The following RNF138 variants were observed in gnomAD, a reference collection of about 807,000 sequenced individuals.
RNF138 encodes the protein ring finger protein 138.
Under a neutral mutation model 31.0 loss-of-function variants are expected in RNF138, and 12 were observed. That is an observed-to-expected ratio of 0.39 (90% CI 0.25 to 0.63). The LOEUF (loss-of-function observed/expected upper bound fraction) is 0.63, where lower values mean the gene tolerates loss of function less well. Among genes scored for constraint, RNF138 ranks in the 20% least tolerant of loss-of-function variants. The pLI, the probability that RNF138 is intolerant of heterozygous loss-of-function variation, is 0.52. For missense variants in RNF138, 192 were observed against 300.1 expected (o/e 0.64, Z 2.66); for synonymous variants, 105 against 99.5 (o/e 1.06, Z -0.33).
chr18:32,098,096 A>C (rs1238706945), intron 2 of RNF138, among the ~76,000 whole-genome samples: 2 of 150,420 alleles, frequency 1.3e-5, no homozygotes, highest in Non-Finnish European at 1.5e-5. Flanking sequence ...AAGCGATTCT[A>C]CTCCCTCAGC....
At position 32,115,761 on chromosome 18, in the gene RNF138, A is replaced by ACACACACGCACG. The variant is rs1568235800; in HGVS notation, c.392+1905_392+1916dup. On this transcript the variant is annotated intron_variant, in intron 4 of 7. Coordinates refer to ENST00000261593, the MANE Select transcript of RNF138 (RefSeq NM_016271.5). ...CTCCGTCTAAAACACACACACACGC[A>ACACACACGCACG]CACACACGCACGCACGCACACACAC... Among the ~76,000 whole-genome samples the ACACACACGCACG allele has an allele frequency of 2.6e-5, 4 of 152,112 alleles. No homozygotes were observed. The South Asian group carries it at 6.2e-4, about 24-fold the overall frequency.
intron 2 of RNF138, among the ~76,000 whole-genome samples, chr18:32,097,064 AT>A (rs146518451): frequency 0.066 from 10,040 of 152,274 alleles, 434 homozygotes; most frequent in Non-Finnish European, 0.1. Flanking sequence ...GTTAAGACAA[AT>A]TAATATGAAA....
At chr18:32,116,349 C>A (rs549408537) in intron 4 of RNF138, among the ~76,000 whole-genome samples, 1 of 152,128 alleles carries the variant, frequency 6.6e-6, no homozygotes, top group South Asian at 2.1e-4. Flanking sequence ...GCTATTAGAT[C>A]TCTAAACTTT....
intron 6 of RNF138, among the ~76,000 whole-genome samples, 175 bp from the exon 7 acceptor site, chr18:32,126,518 T>C (rs967854707): frequency 2.6e-5 from 4 of 152,208 alleles, no homozygotes; most frequent in Non-Finnish European, 5.9e-5. Context: ...TAGATTAATG[T>C]CATTTATCTA....
intron 3 of RNF138, 38 bp from the exon 4 acceptor site, chr18:32,113,707 C>G: frequency 1.1e-6 from 1 of 929,634 alleles, no homozygotes; most frequent in Non-Finnish European, 1.6e-6. Context: ...CTTACGAGTT[C>G]TATTTTAAAT....
intron 4 of RNF138, 132 bp from the exon 5 acceptor site, chr18:32,123,386 A>C: frequency 1.9e-6 from 1 of 529,168 alleles, no homozygotes; most frequent in Non-Finnish European, 3.2e-6. Context: ...CCCAATAGGA[A>C]AAAGGTGTAT....
chr18:32,130,599 T>G lies in RNF138; in HGVS notation c.*1412T>G, dbSNP rs1474983982. ...AAAGAGAATCTCAGAAGTAGTTTGC[T>G]GCTAATATATACATATATTGTATAA... On this transcript the variant is annotated 3_prime_UTR_variant, in exon 8 of 8. Coordinates refer to ENST00000261593, the MANE Select transcript of RNF138 (RefSeq NM_016271.5). 6.6e-6 allele frequency: 1 copy of G among 152,490 alleles called. No individual in the cohort carries two copies. The highest frequency in any genetic ancestry group is 1.5e-5 in the Non-Finnish European group (1 of 67,906). 9.4% of individuals were successfully genotyped at this position (152,490 alleles called of 1,614,324 possible).
At chr18:32,126,403 T>C (rs1315151019) in intron 6 of RNF138, among the ~76,000 whole-genome samples, 2 of 152,232 alleles carry the variant, frequency 1.3e-5, no homozygotes, top group East Asian at 3.8e-4. Context: ...TAGTGATAAC[T>C]GTCATTACAG....
intron 2 of RNF138, among the ~76,000 whole-genome samples, chr18:32,101,859 T>C (rs1469992199): frequency 6.6e-6 from 1 of 152,146 alleles, no homozygotes; most frequent in Non-Finnish European, 1.5e-5. Flanking sequence ...CTAGCAAGGC[T>C]GCATGCATTT....
chr18:32,092,879 C>T lies in RNF138; in HGVS notation c.103C>T (p.Gln35Ter). 6.4e-7 allele frequency: 1 copy of T among 1,568,714 alleles called. No individual in the cohort carries two copies. Among genetic ancestry groups the T allele is most frequent in the Non-Finnish European group, 8.6e-7 (1 of 1,159,120 alleles). The change falls in exon 2 of 8, where the codon CAG (glutamine) becomes TAG (stop). Residue 35 changes from glutamine to a stop codon, truncating the protein, a stop_gained. Coordinates refer to ENST00000261593, the MANE Select transcript of RNF138 (RefSeq NM_016271.5). LOFTEE classifies it high-confidence loss of function. ...LKTPVRTTAC[Q>*]HVFCRKCFLT... The stretch of plus-strand genomic sequence containing the variant: ...AACGCCCGTGCGGACCACGGCCTGT[C>T]AGCACGTGTGAGTAGACGCCCCCTC...
At chr18:32,122,962 GGC>G (rs2040329626) in intron 4 of RNF138, among the ~76,000 whole-genome samples, 2 of 152,132 alleles carry the variant, frequency 1.3e-5, no homozygotes, top group South Asian at 4.1e-4. Context: ...ATGACTCTCT[GGC>G]ATATGGTAAA....
intron 2 of RNF138, among the ~76,000 whole-genome samples, chr18:32,109,111 C>T (rs573555885): frequency 6.6e-6 from 1 of 151,994 alleles, no homozygotes; most frequent in South Asian, 2.1e-4. Context: ...CATATCCTCC[C>T]TAACACTTGG....
Position 32,131,304 on chromosome 18 carries a change from C to T in RNF138, c.*2117C>T, listed in dbSNP as rs2040473773. The T allele has an allele frequency of 6.6e-6, 1 of 151,892 alleles. No homozygotes were observed. Among genetic ancestry groups the T allele is most frequent in the Non-Finnish European group, 1.5e-5 (1 of 67,920 alleles). The allele number at this position is 151,892 out of a possible 1,614,324, so 9.4% of individuals were successfully genotyped here. A position where few individuals can be genotyped will look rare whatever the true frequency, so the allele number is the denominator to read the frequency against. On this transcript the variant is annotated 3_prime_UTR_variant, in exon 8 of 8. Coordinates refer to ENST00000261593, the MANE Select transcript of RNF138 (RefSeq NM_016271.5). ...ATGAAAATGATTGTTTAAAATTTCC[C>T]CTCTTTTTGTCAGTGCATTGGGAAT...
chr18:32,102,195 C>CTTTTTT (rs1167535943), intron 2 of RNF138, among the ~76,000 whole-genome samples: 14 of 63,826 alleles, frequency 2.2e-4, no homozygotes, highest in African/African-American at 4.4e-4. Context: ...CTTTTAGTTT[C>CTTTTTT]TTTTTTTTTT....
At chr18:32,112,048 T>C in intron 3 of RNF138, 129 bp downstream of exon 3, 1 of 699,086 alleles carries the variant, frequency 1.4e-6, no homozygotes, top group Non-Finnish European at 2.2e-6. Flanking sequence ...GGGAATTGGA[T>C]AGAAAAGGCC....
chr18:32,125,148 A>G (rs767972821), intron 6 of RNF138: 5 of 219,400 alleles, frequency 2.3e-5, no homozygotes, highest in Non-Finnish European at 3.7e-5. Flanking sequence ...CAACCTGTCT[A>G]TTGAGGCCTC....
chr18:32,130,886 A>G lies in RNF138; in HGVS notation c.*1699A>G, dbSNP rs2040464110. ...TGCTTGAGCATTTTCTTTCAGTTAC[A>G]TGGGTGTAATTTAAAAAACAGCTCC... On this transcript the variant is annotated 3_prime_UTR_variant, in exon 8 of 8. Coordinates refer to ENST00000261593, the MANE Select transcript of RNF138 (RefSeq NM_016271.5). 1 of 146,106 alleles carries G rather than the reference A, an allele frequency of 6.8e-6. No individual in the cohort carries two copies. The highest frequency in any genetic ancestry group is 2.2e-4 in the South Asian group (1 of 4,504). 9.1% of individuals were successfully genotyped at this position (146,106 alleles called of 1,614,324 possible). A position where few individuals can be genotyped will look rare whatever the true frequency, so the allele number is the denominator to read the frequency against.
intron 2 of RNF138, among the ~76,000 whole-genome samples, chr18:32,100,296 T>TTA (rs959800857): frequency 2.6e-5 from 4 of 150,984 alleles, no homozygotes; most frequent in Non-Finnish European, 4.4e-5. Flanking sequence ...TTTTATTATT[T>TTA]TATATATATA....
chr18:32,124,620 A>G, intron 5 of RNF138, 114 bp from the exon 6 acceptor site: 2 of 622,964 alleles, frequency 3.2e-6, no homozygotes, highest in South Asian at 2.0e-5. Flanking sequence ...ATCTTTGAAT[A>G]GTCTAATAAT....
Sources: allele counts gnomAD v4.1 joint callset (sites outside exome capture counted in the v4.1 genomes callset), GRCh38; gene constraint gnomAD v4.1.1; transcripts MANE v1.5; gene names NCBI Gene and HGNC (gene_info 2026-07-23, HGNC 2026-07-21).